The following SLC22A3 variants were observed in gnomAD, a reference collection of about 807,000 sequenced individuals.
SLC22A3 encodes solute carrier family 22 member 3.
In SLC22A3, 51 loss-of-function variants were observed where a neutral mutation model predicts 59.1. The ratio of observed to expected loss-of-function variants is 0.86; its 90% CI spans 0.69 to 1.09. The LOEUF is 1.09. Ranked by LOEUF, SLC22A3 falls within the 50% of genes least tolerant of loss-of-function variation. The pLI is 0.00. For missense variants in SLC22A3, 711 were observed against 726.3 expected (o/e 0.98, Z 0.24); for synonymous variants, 325 against 292.0 (o/e 1.11, Z -1.15).
At chr6:160,400,897 G>A (rs530104732) in intron 2 of SLC22A3, among the ~76,000 whole-genome samples, 3 of 146,610 alleles carry the variant, frequency 2.0e-5, no homozygotes, top group African/African-American at 5.0e-5. Flanking sequence ...AATGAAAAAC[G>A]TTGTTACTGG....
Position 160,351,184 on chromosome 6 carries a change from C to T in SLC22A3, c.429+2336C>T, listed in dbSNP as rs1258203620. 2.0e-5 allele frequency among the ~76,000 whole-genome samples: 3 copies of T among 152,292 alleles called. No homozygotes were observed. In the South Asian group the frequency reaches 6.2e-4, roughly 32 times the overall value. ...AGGCTGGTGTGCAGTGGCGTGATCT[C>T]GGCTTACTGCAAGCTCCGCCTCCCA... On this transcript the variant is annotated intron_variant, in intron 1 of 10. Coordinates refer to ENST00000275300, the MANE Select transcript of SLC22A3 (RefSeq NM_021977.4).
intron 1 of SLC22A3, among the ~76,000 whole-genome samples, chr6:160,383,767 C>T (rs1009267193): frequency 1.5e-4 from 23 of 151,758 alleles, no homozygotes; most frequent in African/African-American, 5.6e-4. Flanking sequence ...ATTTATCCAA[C>T]CATGGATAGA....
At chr6:160,406,866 TG>T (rs1787033802) in intron 2 of SLC22A3, among the ~76,000 whole-genome samples, 174 bp from the exon 3 acceptor site, 1 of 152,232 alleles carries the variant, frequency 6.6e-6, no homozygotes, top group Admixed American at 6.5e-5. Flanking sequence ...CTTTAAATTT[TG>T]TAATTCCAGC....
intron 7 of SLC22A3, among the ~76,000 whole-genome samples, chr6:160,441,833 G>A (rs552405888): frequency 1.3e-5 from 2 of 152,256 alleles, no homozygotes; most frequent in South Asian, 2.1e-4. Flanking sequence ...GACATGCTTC[G>A]TTTTGCTTTG....
At chr6:160,366,630 C>T (rs1314998417) in intron 1 of SLC22A3, among the ~76,000 whole-genome samples, 2 of 152,256 alleles carry the variant, frequency 1.3e-5, no homozygotes, top group Non-Finnish European at 2.9e-5. Context: ...CCCTTCCACA[C>T]TGCCCTAGCA....
At chr6:160,442,611 G>A (rs1055041365) in intron 7 of SLC22A3, 150 bp from the exon 8 acceptor site, 1 of 707,844 alleles carries the variant, frequency 1.4e-6, no homozygotes, top group African/African-American at 1.8e-5. Flanking sequence ...TTGAAATTTG[G>A]TTACATTATT....
In SLC22A3 at chr6:160,415,271, A is replaced by G. The variant is rs1051148907; in HGVS notation, c.975+4425A>G. 6.6e-6 allele frequency among the ~76,000 whole-genome samples: 1 copy of G among 152,204 alleles called. No individual in the cohort carries two copies. The highest frequency in any genetic ancestry group is 2.4e-5 in the African/African-American group (1 of 41,450). On this transcript the variant is annotated intron_variant, in intron 5 of 10. Coordinates refer to ENST00000275300, the MANE Select transcript of SLC22A3 (RefSeq NM_021977.4). The surrounding 1 kb of genome is among the most constrained non-coding windows in gnomAD (Gnocchi z 4.1). ...AGGTCCTTATGTCCCCACAAGCACCATCCTGAGCAGAAAACCTCTTCGTGA... is the reference window on the plus strand; with the variant it reads ...AGGTCCTTATGTCCCCACAAGCACCGTCCTGAGCAGAAAACCTCTTCGTGA...
intron 1 of SLC22A3, among the ~76,000 whole-genome samples, chr6:160,352,060 C>T (rs551328146): frequency 5.3e-5 from 8 of 152,196 alleles, no homozygotes; most frequent in Non-Finnish European, 1.2e-4. Context: ...TTTCATTTTA[C>T]GGTGTCAGGA....
intron 1 of SLC22A3, among the ~76,000 whole-genome samples, chr6:160,350,938 T>C (rs1398894429): frequency 3.9e-5 from 6 of 152,148 alleles, no homozygotes; most frequent in Non-Finnish European, 8.8e-5. Flanking sequence ...AAATTAGCCA[T>C]TGGATTCAGC....
At chr6:160,448,233 A>G (rs1222099636) in intron 10 of SLC22A3, among the ~76,000 whole-genome samples, 1 of 152,228 alleles carries the variant, frequency 6.6e-6, no homozygotes, top group African/African-American at 2.4e-5. Flanking sequence ...GACTGACTAC[A>G]AAGTGAAATG....
chr6:160,392,692 A>G (rs916928340), intron 1 of SLC22A3, among the ~76,000 whole-genome samples: 3 of 152,234 alleles, frequency 2.0e-5, no homozygotes, highest in African/African-American at 7.2e-5. Context: ...ACCCAAATTA[A>G]TAATGACATC....
At chr6:160,363,317 G>A (rs750674040) in intron 1 of SLC22A3, among the ~76,000 whole-genome samples, 1 of 152,236 alleles carries the variant, frequency 6.6e-6, no homozygotes, top group Non-Finnish European at 1.5e-5. Flanking sequence ...TGTCTAGGAA[G>A]ATCCCATCGC....
intron 1 of SLC22A3, among the ~76,000 whole-genome samples, chr6:160,397,062 T>C (rs1429202209): frequency 6.6e-6 from 1 of 152,172 alleles, no homozygotes; most frequent in Non-Finnish European, 1.5e-5. Flanking sequence ...ATAATATTCA[T>C]ACTCTATTGC....
chr6:160,357,607 C>T (rs394487), intron 1 of SLC22A3, among the ~76,000 whole-genome samples: 53,676 of 151,946 alleles, frequency 0.35, 10,557 homozygotes, highest in African/African-American at 0.55. Flanking sequence ...ATATTGATGA[C>T]GTTTTAAAAA....
chr6:160,430,184 G>T (rs1296320414), intron 5 of SLC22A3, among the ~76,000 whole-genome samples: 2 of 151,414 alleles, frequency 1.3e-5, no homozygotes, highest in African/African-American at 2.4e-5. Context: ...CACTAATAAG[G>T]TGTGATTTGA....
At chr6:160,431,863 A>G (rs924585337) in intron 5 of SLC22A3, among the ~76,000 whole-genome samples, 10 of 152,196 alleles carry the variant, frequency 6.6e-5, no homozygotes, top group African/African-American at 2.4e-4. Flanking sequence ...GACAATAAGG[A>G]CATTCACTGG....
chr6:160,395,799 G>C (rs1226725686), intron 1 of SLC22A3, among the ~76,000 whole-genome samples: 1 of 152,146 alleles, frequency 6.6e-6, no homozygotes, highest in African/African-American at 2.4e-5. Context: ...ACTATGTTAG[G>C]TGACAGGTCA....
intron 1 of SLC22A3, among the ~76,000 whole-genome samples, chr6:160,354,743 A>G (rs966374381): frequency 6.6e-6 from 1 of 152,198 alleles, no homozygotes; most frequent in Admixed American, 6.5e-5. Context: ...GTGCTGCTGT[A>G]TTCCAGCCTG....
intron 1 of SLC22A3, among the ~76,000 whole-genome samples, chr6:160,382,411 C>T (rs1319604018): frequency 3.9e-5 from 6 of 152,186 alleles, no homozygotes; most frequent in Admixed American, 3.9e-4. Context: ...AGTAGGCCAG[C>T]CTGAAACAAA....
Sources: gnomAD v4.1 joint callset for allele counts (sites outside exome capture counted in the v4.1 genomes callset) on GRCh38, gnomAD v4.1.1 for gene constraint, Gnocchi (gnomAD v3.1) non-coding constraint, MANE v1.5 for transcripts, NCBI Gene and HGNC (gene_info 2026-07-23, HGNC 2026-07-21) for gene names.